MAP1B: variants seen among roughly 807,000 people sequenced by gnomAD.
The protein encoded by MAP1B is microtubule-associated protein 1B.
Under a neutral mutation model 176.1 loss-of-function variants are expected in MAP1B, and 12 were observed. The observed-to-expected ratio is 0.07, with a 90% confidence interval of 0.04 to 0.11. The LOEUF (loss-of-function observed/expected upper bound fraction) is 0.11. Among genes scored for constraint, MAP1B ranks in the 10% least tolerant of loss-of-function variants. The pLI, the probability that MAP1B is intolerant of heterozygous loss-of-function variation, is 1.00. For synonymous variants in MAP1B, 1,044 were observed against 1,135.0 expected, an observed-to-expected ratio of 0.92 and a Z score of 1.61; for missense variants, 2,523 against 2,990.5, an observed-to-expected ratio of 0.84 and a Z score of 3.65.
At chr5:72,141,518 A>C (rs764893985) in intron 2 of MAP1B, among the ~76,000 whole-genome samples, 1 of 152,260 alleles carries the variant, frequency 6.6e-6, no homozygotes, top group Non-Finnish European at 1.5e-5. Context: ...CTTAGGGATC[A>C]GTAGCCTCGG....
intron 2 of MAP1B, among the ~76,000 whole-genome samples, chr5:72,123,187 T>G (rs1427041279): frequency 1.3e-5 from 2 of 152,254 alleles, no homozygotes; most frequent in Non-Finnish European, 2.9e-5. Flanking sequence ...TAAGGGAATA[T>G]TTGGAAGAAT....
chr5:72,158,109 C>T (rs1023773385), intron 2 of MAP1B, among the ~76,000 whole-genome samples: 9 of 151,090 alleles, frequency 6.0e-5, no homozygotes, highest in African/African-American at 1.7e-4. Context: ...CCGGGGTTCA[C>T]GCCATTCTCC....
In MAP1B at chr5:72,197,874, G is replaced by A. The variant is rs376395355; in HGVS notation, c.4519G>A (p.Val1507Ile). ...AGATGTTTCTCCCACACAAATAGAT[G>A]TCAGTCAGTTTGGATCTTTTAAAGA... ...LGDVSPTQIDVSQFGSFKEDT... is the reference protein window; with the variant it reads ...LGDVSPTQIDISQFGSFKEDT... Residue 1507 changes from valine (V) to isoleucine (I), a missense_variant, in exon 5 of 7, where the codon GTC becomes ATC. Physicochemically the swap from Val to Ile is conservative, Grantham distance 29 (BLOSUM62 3). Coordinates refer to ENST00000296755, the MANE Select transcript of MAP1B (RefSeq NM_005909.5). 19 of 1,614,196 alleles carry A rather than the reference G, an allele frequency of 1.2e-5. No individual in the cohort carries two copies. The highest frequency in any genetic ancestry group is 8.0e-5 in the African/African-American group (6 of 75,054).
chr5:72,167,720 T>G (rs1359988527), intron 2 of MAP1B, among the ~76,000 whole-genome samples: 1 of 152,258 alleles, frequency 6.6e-6, no homozygotes, highest in African/African-American at 2.4e-5. Flanking sequence ...TATATTTTAC[T>G]TTGTCATTGG....
intron 2 of MAP1B, among the ~76,000 whole-genome samples, chr5:72,141,165 C>T (rs571058174): frequency 3.9e-5 from 6 of 152,294 alleles, no homozygotes; most frequent in Admixed American, 1.3e-4. Context: ...TACATGTCCA[C>T]GCTTTACTCC....
chr5:72,196,664 G>A lies in MAP1B; in HGVS notation c.3309G>A (p.Glu1103=), dbSNP rs750770181. ...GSESEATASD[E]ENREDQPEEF... ...AGAGCGAGGCCACCGCTTCTGATGA[G>A]GAGAATCGAGAAGACCAGCCTGAGG... The change falls in exon 5 of 7, where the codon GAG becomes GAA. Residue 1103 remains glutamate, a synonymous_variant. Coordinates refer to ENST00000296755, the MANE Select transcript of MAP1B (RefSeq NM_005909.5). The surrounding 1 kb of genome is among the most constrained non-coding windows in gnomAD (Gnocchi z 5.3). 9 of 1,614,080 alleles carry A rather than the reference G, an allele frequency of 5.6e-6. No individual in the cohort carries two copies. The highest frequency in any genetic ancestry group is 7.6e-6 in the Non-Finnish European group (9 of 1,180,026).
At position 72,199,247 on chromosome 5, in the gene MAP1B, C is replaced by T. The variant is rs1449516218; in HGVS notation, c.5892C>T (p.Thr1964=). The T allele has an allele frequency of 1.2e-6, 2 of 1,614,058 alleles. No individual in the cohort carries two copies. Among genetic ancestry groups the T allele is most frequent in the Admixed American group, 1.7e-5 (1 of 60,026 alleles). Residue 1964 remains threonine (T), a synonymous_variant, in exon 5 of 7, where the codon ACC becomes ACT. Transcript: ENST00000296755. The surrounding 1 kb of genome is among the most constrained non-coding windows in gnomAD (Gnocchi z 4.2). ...CATATGACATAAGTGAAAAGACCAC[C>T]AGCCCCCCCGAAGTGAGTGGTTACA... is the stretch of plus-strand genomic sequence containing the variant. ...GYSYDISEKT[T]SPPEVSGYSY...
At chr5:72,152,891 G>A (rs1300720008) in intron 2 of MAP1B, among the ~76,000 whole-genome samples, 2 of 152,004 alleles carry the variant, frequency 1.3e-5, no homozygotes, top group Admixed American at 6.5e-5. Context: ...TCTCATGCTC[G>A]CTGGGCCTGC....
chr5:72,112,433 A>G (rs1004682024), intron 1 of MAP1B, among the ~76,000 whole-genome samples: 3 of 152,178 alleles, frequency 2.0e-5, no homozygotes. Context: ...TAGCCTGTAC[A>G]CACCAAGAGT....
At chr5:72,131,770 A>G (rs1745738476) in intron 2 of MAP1B, among the ~76,000 whole-genome samples, 1 of 152,210 alleles carries the variant, frequency 6.6e-6, no homozygotes, top group South Asian at 2.1e-4. Context: ...AGGTTCATTC[A>G]ATACCTTCCT....
At chr5:72,164,957 T>G (rs1302741735) in intron 2 of MAP1B, among the ~76,000 whole-genome samples, 1 of 152,224 alleles carries the variant, frequency 6.6e-6, no homozygotes, top group Non-Finnish European at 1.5e-5. Flanking sequence ...TTTTTCCCTC[T>G]TTTCAACTGG....
chr5:72,149,848 A>C (rs1021160662), intron 2 of MAP1B, among the ~76,000 whole-genome samples: 1 of 152,224 alleles, frequency 6.6e-6, no homozygotes, highest in Non-Finnish European at 1.5e-5. Flanking sequence ...ATAAGAATTT[A>C]AGTGTATTCC....
chr5:72,128,970 A>AT (rs1262637786), intron 2 of MAP1B, among the ~76,000 whole-genome samples: 2 of 152,160 alleles, frequency 1.3e-5, no homozygotes, highest in African/African-American at 4.8e-5. Flanking sequence ...AATTTTTTAA[A>AT]TAGACAATTG....
chr5:72,194,108 G>A lies in MAP1B; in HGVS notation c.753G>A (p.Ser251=), dbSNP rs1467707967. Residue 251 remains serine (S), a synonymous_variant, in exon 5 of 7, where the codon TCG becomes TCA. Transcript: ENST00000296755. The surrounding 1 kb of genome is among the most constrained non-coding windows in gnomAD (Gnocchi z 7.2). ...TTGACATCTTGGAACCTCCCACATC[G>A]GGTGGATTTCTGAAGCTCTCCAAGC... is the stretch of plus-strand genomic sequence containing the variant. The part of the protein sequence containing the change: ...SPFDILEPPT[S]GGFLKLSKPC... 6.2e-6 allele frequency: 10 copies of A among 1,614,162 alleles called. No individual in the cohort carries two copies. Among genetic ancestry groups the A allele is most frequent in the Middle Eastern group, 3.3e-4 (2 of 6,062 alleles).
In MAP1B at chr5:72,205,233, A is replaced by G. The variant is rs773410961; in HGVS notation, c.7401A>G (p.Glu2467=). The change falls in exon 7 of 7, where the codon GAA becomes GAG. Residue 2467 remains glutamate, a synonymous_variant. Transcript: ENST00000296755. ...QDESFPACKI[E]L is the part of the protein sequence containing the mutation. ...AATCCTTCCCTGCATGCAAGATTGA[A>G]CTGTAAAAACCAAGGCCAGCCACAC... The G allele has an allele frequency of 1.2e-6, 2 of 1,611,430 alleles. No individual in the cohort carries two copies. The highest frequency in any genetic ancestry group is 2.2e-5 in the South Asian group (2 of 90,104).
At chr5:72,168,442 A>G (rs1746472191) in intron 2 of MAP1B, among the ~76,000 whole-genome samples, 1 of 152,234 alleles carries the variant, frequency 6.6e-6, no homozygotes, top group Admixed American at 6.5e-5. Context: ...AATACATTCT[A>G]AGAACTTTGA....
intron 2 of MAP1B, among the ~76,000 whole-genome samples, chr5:72,178,499 G>A (rs1746696101): frequency 6.6e-6 from 1 of 152,218 alleles, no homozygotes; most frequent in South Asian, 2.1e-4. Flanking sequence ...GGTGAAGAGA[G>A]GGCAGCAGTG....
rs1300959984 is a variant in MAP1B at position 72,208,640 on chromosome 5, G to T, written c.*3401G>T. The T allele has an allele frequency of 6.6e-6, 1 of 152,068 alleles. No individual in the cohort carries two copies. Among genetic ancestry groups the T allele is most frequent in the African/African-American group, 2.4e-5 (1 of 41,400 alleles). 9.4% of individuals were successfully genotyped at this position (152,068 alleles called of 1,614,324 possible). A position where few individuals can be genotyped will look rare whatever the true frequency, so the allele number is the denominator to read the frequency against. ...TTAACGTTACATATCATAGTGAATG[G>T]TTTCCCCAGTGTATATGAATGTTTT... is the stretch of plus-strand genomic sequence containing the variant. On this transcript the variant is annotated 3_prime_UTR_variant, in exon 7 of 7. Transcript: ENST00000296755.
chr5:72,193,954 A>C lies in MAP1B; in HGVS notation c.599A>C (p.Asn200Thr). The C allele has an allele frequency of 6.2e-7, 1 of 1,614,198 alleles. No homozygotes were observed. The highest frequency in any genetic ancestry group is 1.1e-5 in the South Asian group (1 of 91,084). Residue 200 changes from asparagine (N) to threonine (T), a missense_variant, in exon 5 of 7, where the codon AAT (asparagine) becomes ACT (threonine). Transcript: ENST00000296755. ...GAAGAAGGGGACTGGAAGAACTCCA[A>C]TCTTGACAGACACAATCTCCAAGAC... ...CPEEGDWKNS[N>T]LDRHNLQDFI...
Sources: gnomAD v4.1 joint callset for allele counts (sites outside exome capture counted in the v4.1 genomes callset) on GRCh38, gnomAD v4.1.1 for gene constraint, Gnocchi (gnomAD v3.1) non-coding constraint, MANE v1.5 for transcripts, NCBI Gene and HGNC (gene_info 2026-07-23, HGNC 2026-07-21) for gene names.